The following SPG7 variants were observed in gnomAD, a reference collection of about 807,000 sequenced individuals.
SPG7 encodes SPG7 matrix AAA peptidase subunit, paraplegin, also known as mitochondrial inner membrane m-AAA protease component paraplegin.
A neutral mutation model predicts 81.9 loss-of-function variants in SPG7; 103 were observed. The ratio of observed to expected loss-of-function variants is 1.26; its 90% CI spans 1.07 to 1.48. The LOEUF is 1.48. Ranked by LOEUF, SPG7 falls within the 40% of genes most tolerant of loss-of-function variation. SPG7 has a pLI of 0.00. For missense variants in SPG7, 1,241 were observed against 1,087.3 expected (o/e 1.14, Z -1.99); for synonymous variants, 534 against 444.2 (o/e 1.20, Z -2.54).
chr16:89,545,955 C>G (rs1250305444), intron 10 of SPG7: 3 of 449,584 alleles, frequency 6.7e-6, no homozygotes, highest in African/African-American at 6.1e-5. Context: ...AGGGCTCAAG[C>G]TGAGGAGCTA....
In SPG7 at chr16:89,531,953, T is replaced by G; in HGVS notation, c.1037T>G (p.Leu346Arg). Residue 346 changes from leucine (L) to arginine (R), a missense_variant, in exon 8 of 17, where the codon CTG becomes CGG. Coordinates refer to ENST00000645818, the MANE Select transcript of SPG7 (RefSeq NM_003119.4). Reference sequence around the variant, plus strand: ...GGCGCCAAGGTCCCAAAGGGCGCACTGCTGCTCGGCCCCCCCGGCTGTGGG... The same window carrying G: ...GGCGCCAAGGTCCCAAAGGGCGCACGGCTGCTCGGCCCCCCCGGCTGTGGG... ...QLGAKVPKGA[L>R]LLGPPGCGKT... 6.2e-7 allele frequency: 1 copy of G among 1,614,124 alleles called. No individual in the cohort carries two copies.
intron 9 of SPG7, chr16:89,542,230 G>A (rs751456021): frequency 6.6e-6 from 1 of 152,168 alleles, no homozygotes; most frequent in African/African-American, 2.4e-5. Flanking sequence ...TCAGAATTCT[G>A]TATCCACAGC....
rs772504427 is a variant in SPG7, at chr16:89,552,969, C to T, written c.1780-10C>T. ...GCCTACTGACCTGGGTCATCTTGAC[C>T]TTGTGCCAGGTCTCCATAACCCCTC... On this transcript the variant is annotated splice_polypyrimidine_tract_variant and intron_variant, in intron 13 of 16. Coordinates refer to ENST00000645818, the MANE Select transcript of SPG7 (RefSeq NM_003119.4). 1.2e-6 allele frequency: 2 copies of T among 1,613,570 alleles called. No individual in the cohort carries two copies. Among genetic ancestry groups the T allele is most frequent in the Non-Finnish European group, 1.7e-6 (2 of 1,179,854 alleles).
chr16:89,544,388 G>A (rs2058536969), intron 9 of SPG7: 2 of 444,030 alleles, frequency 4.5e-6, no homozygotes, highest in South Asian at 2.0e-5. Flanking sequence ...GCTCCAGGAT[G>A]CTGTAGGAGC....
chr16:89,553,792 A>T lies in SPG7; in HGVS notation c.1937-2A>T. On this transcript the variant is annotated splice_acceptor_variant, in intron 14 of 16. Transcript: ENST00000645818. LOFTEE classifies it high-confidence loss of function. ...TGCCTCTGTCTCGACCCCGCCCTCC[A>T]GGGGCACAGGACGACCTGAGGAAGG... The T allele has an allele frequency of 6.2e-7, 1 of 1,613,330 alleles. No homozygotes were observed. Among genetic ancestry groups the T allele is most frequent in the South Asian group, 1.1e-5 (1 of 91,080 alleles).
intron 10 of SPG7, chr16:89,545,636 A>G (rs2058554311): frequency 8.3e-6 from 2 of 241,948 alleles, no homozygotes; most frequent in South Asian, 3.8e-5. Context: ...TCTCCAGGGG[A>G]TGGCAGCTTC....
chr16:89,529,641 C>A, intron 6 of SPG7, 62 bp downstream of exon 6: 1 of 1,252,122 alleles, frequency 8.0e-7, no homozygotes, highest in Non-Finnish European at 1.2e-6. Context: ...GAATACTTTT[C>A]CCATAAGCTA....
Position 89,524,121 on chromosome 16 carries a change from C to T in SPG7, c.492C>T (p.Ser164=). Residue 164 remains serine, a synonymous_variant, in exon 4 of 17, where the codon AGC becomes AGT. Coordinates refer to ENST00000645818, the MANE Select transcript of SPG7 (RefSeq NM_003119.4). ...ATGCTCTCAGCACCAGCGGAGGCAG[C>T]ATTTCCTGGAACGACTTTGTCCACG... ...LLNALSTSGG[S]ISWNDFVHEM... 3 of 1,614,112 alleles carry T rather than the reference C, an allele frequency of 1.9e-6. No homozygotes were observed. Among genetic ancestry groups the T allele is most frequent in the Non-Finnish European group, 2.5e-6 (3 of 1,180,032 alleles).
intron 16 of SPG7, chr16:89,556,348 C>T (rs1209965448): frequency 2.9e-6 from 1 of 342,134 alleles, no homozygotes; most frequent in Non-Finnish European, 5.3e-6. Flanking sequence ...TCTGCCTTCA[C>T]AGAAACCAGT....
At chr16:89,555,580 G>A (rs1041266005) in intron 16 of SPG7, 11 of 282,880 alleles carry the variant, frequency 3.9e-5, no homozygotes, top group African/African-American at 1.7e-4. Context: ...TCCACATGGC[G>A]TTTGATCGCC....
chr16:89,557,531 C>T lies in SPG7; in HGVS notation c.*438C>T, dbSNP rs1486531384. The T allele has an allele frequency of 9.2e-6, 2 of 216,620 alleles. No individual in the cohort carries two copies. Among genetic ancestry groups the T allele is most frequent in the African/African-American group, 2.3e-5 (1 of 43,522 alleles). 13.4% of individuals were successfully genotyped at this position (216,620 alleles called of 1,614,324 possible). On this transcript the variant is annotated 3_prime_UTR_variant, in exon 17 of 17. Coordinates refer to ENST00000645818, the MANE Select transcript of SPG7 (RefSeq NM_003119.4). The stretch of plus-strand genomic sequence containing the variant: ...TCGGACATGAAAGGACCCTGTGAGC[C>T]GATTGTCCTATCTCCAGCGGCCCTG...
chr16:89,509,440 G>T (rs1289495468), intron 1 of SPG7, among the ~76,000 whole-genome samples: 1 of 152,080 alleles, frequency 6.6e-6, no homozygotes, highest in Non-Finnish European at 1.5e-5. Context: ...TAGTAGAGAC[G>T]GGGTTTCACC....
chr16:89,546,606 T>G (rs2152409851), intron 10 of SPG7, 52 bp from the exon 11 acceptor site: 24 of 1,095,598 alleles, frequency 2.2e-5, no homozygotes, highest in Non-Finnish European at 3.1e-5. Context: ...GCCGCACCTG[T>G]GGCAGTAACT....
intron 4 of SPG7, among the ~76,000 whole-genome samples, chr16:89,524,553 C>T (rs541455606): frequency 6.6e-6 from 1 of 152,334 alleles, no homozygotes; most frequent in African/African-American, 2.4e-5. Flanking sequence ...AAGGGATTCT[C>T]CTGGCTCAGC....
chr16:89,529,861 C>A, intron 6 of SPG7: 1 of 439,342 alleles, frequency 2.3e-6, no homozygotes, highest in South Asian at 2.1e-5. Flanking sequence ...TTTTTTGAGA[C>A]GGAGTTTCGC....
intron 8 of SPG7, 136 bp from the exon 9 acceptor site, chr16:89,532,327 C>A: frequency 1.7e-6 from 2 of 1,157,888 alleles, no homozygotes; most frequent in Admixed American, 1.9e-5. Flanking sequence ...CGAGCAGCTG[C>A]CGTGTGTCTG....
At chr16:89,547,690 G>A (rs528792668) in intron 11 of SPG7, 95 of 376,182 alleles carry the variant, frequency 2.5e-4, no homozygotes, top group African/African-American at 1.5e-3. Flanking sequence ...TTGGCTCCCC[G>A]CAGCCTCCGC....
At chr16:89,550,849 C>G (rs185575438) in intron 13 of SPG7, among the ~76,000 whole-genome samples, 1 of 152,170 alleles carries the variant, frequency 6.6e-6, no homozygotes, top group Non-Finnish European at 1.5e-5. Flanking sequence ...TGTGTCACAT[C>G]GGAGCATGGT....
chr16:89,544,989 G>A (rs1372551964), intron 10 of SPG7: 2 of 614,852 alleles, frequency 3.3e-6, no homozygotes, highest in Non-Finnish European at 5.9e-6. Flanking sequence ...TTGGCTGCAC[G>A]CCCCCTGGCA....
Sources: gnomAD v4.1 joint callset for allele counts (sites outside exome capture counted in the v4.1 genomes callset) on GRCh38, gnomAD v4.1.1 for gene constraint, MANE v1.5 for transcripts, NCBI Gene and HGNC (gene_info 2026-07-23, HGNC 2026-07-21) for gene names.